DLG2: variants seen among roughly 807,000 people sequenced by gnomAD.
DLG2 encodes the protein discs large MAGUK scaffold protein 2.
A neutral mutation model predicts 132.5 loss-of-function variants in DLG2; 45 were observed. The observed-to-expected ratio is 0.34, with a 90% CI of 0.27 to 0.44. The LOEUF (loss-of-function observed/expected upper bound fraction) is 0.44, where lower values mean the gene tolerates loss of function less well. Ranked by LOEUF, DLG2 falls within the 20% of genes least tolerant of loss-of-function variation. The pLI is 1.00. For synonymous variants in DLG2, 424 were observed against 419.6 expected, an observed-to-expected ratio of 1.01 and a Z score of -0.13; for missense variants, 1,045 against 1,196.9, an observed-to-expected ratio of 0.87 and a Z score of 1.87.
At chr11:84,351,875 A>G (rs1055554809) in intron 7 of DLG2, among the ~76,000 whole-genome samples, 3 of 152,204 alleles carry the variant, frequency 2.0e-5, no homozygotes, top group Non-Finnish European at 2.9e-5. Context: ...AAATCCATAT[A>G]GTAATTAAAA....
chr11:84,418,011 G>A (rs1367312659), intron 7 of DLG2, among the ~76,000 whole-genome samples: 2 of 152,050 alleles, frequency 1.3e-5, no homozygotes, highest in African/African-American at 4.8e-5. Context: ...TTAATATACT[G>A]AGTTAAGAGC....
At chr11:84,445,181 A>G (rs888864038) in intron 7 of DLG2, among the ~76,000 whole-genome samples, 1 of 152,158 alleles carries the variant, frequency 6.6e-6, no homozygotes, top group African/African-American at 2.4e-5. Context: ...CATTATTATT[A>G]TCACCATTAT....
chr11:84,032,726 AGAG>A (rs2095739431), intron 11 of DLG2, among the ~76,000 whole-genome samples: 1 of 152,202 alleles, frequency 6.6e-6, no homozygotes, highest in Non-Finnish European at 1.5e-5. Context: ...TCGTAGCTAG[AGAG>A]GAGAAGTCAA....
In DLG2 at chr11:85,377,392, G is replaced by A. The variant is rs568725645; in HGVS notation, c.41-92027C>T. 1.4e-4 allele frequency among the ~76,000 whole-genome samples: 22 copies of A among 152,190 alleles called. No individual in the cohort carries two copies. The East Asian group carries it at 3.1e-3, about 21-fold the overall frequency. ...TTGAGTTTCCTCCTTTCGAAAGGAG[G>A]CAGCAATTATTGTGCTTTGAGATGA... On this transcript the variant is annotated intron_variant, in intron 3 of 27. Coordinates refer to ENST00000376104, the MANE Select transcript of DLG2 (RefSeq NM_001142699.3).
At chr11:84,970,300 C>A (rs530014605) in intron 6 of DLG2, among the ~76,000 whole-genome samples, 1 of 152,144 alleles carries the variant, frequency 6.6e-6, no homozygotes, top group African/African-American at 2.4e-5. Flanking sequence ...TGAACACTGT[C>A]TCTACTCCTC....
chr11:84,535,965 A>ATATATAT (rs1209865425), intron 6 of DLG2, among the ~76,000 whole-genome samples: 2 of 151,342 alleles, frequency 1.3e-5, no homozygotes, highest in African/African-American at 4.9e-5. Context: ...ATATATATAT[A>ATATATAT]AAACTTCTAG....
chr11:84,861,299 T>G (rs778341884), intron 6 of DLG2, among the ~76,000 whole-genome samples: 1 of 152,036 alleles, frequency 6.6e-6, no homozygotes, highest in Non-Finnish European at 1.5e-5. Context: ...TGAGAGAAGT[T>G]TGTAGAAACA....
intron 9 of DLG2, among the ~76,000 whole-genome samples, chr11:84,111,942 T>C (rs1226270895): frequency 6.6e-6 from 1 of 152,218 alleles, no homozygotes; most frequent in Non-Finnish European, 1.5e-5. Flanking sequence ...CTCTATTTCC[T>C]CATTTTCTAT....
chr11:84,721,647 T>G (rs1264152373), intron 6 of DLG2, among the ~76,000 whole-genome samples: 1 of 151,808 alleles, frequency 6.6e-6, no homozygotes, highest in Non-Finnish European at 1.5e-5. Flanking sequence ...GGGTAGGAAG[T>G]GGGTAAAACT....
chr11:83,914,790 T>C (rs1448066359), intron 15 of DLG2, among the ~76,000 whole-genome samples: 2 of 152,154 alleles, frequency 1.3e-5, no homozygotes, highest in Non-Finnish European at 2.9e-5. Flanking sequence ...GTAATGAACA[T>C]ACTTTTTGAT....
At chr11:84,453,675 T>C (rs1567677911) in intron 7 of DLG2, among the ~76,000 whole-genome samples, 2 of 151,696 alleles carry the variant, frequency 1.3e-5, no homozygotes, top group African/African-American at 2.4e-5. Flanking sequence ...TTCAGTGTGG[T>C]AACTCCTATT....
chr11:84,986,696 T>C (rs2056529456), intron 6 of DLG2, among the ~76,000 whole-genome samples: 1 of 152,136 alleles, frequency 6.6e-6, no homozygotes, highest in Non-Finnish European at 1.5e-5. Flanking sequence ...AAAAAGCATT[T>C]GACAAAATTC....
chr11:84,302,477 C>A (rs1050228664), intron 7 of DLG2, among the ~76,000 whole-genome samples: 1 of 152,032 alleles, frequency 6.6e-6, no homozygotes, highest in South Asian at 2.1e-4. Context: ...TCTCACTTAA[C>A]AGACATATAT....
At chr11:84,760,268 G>C (rs896793849) in intron 6 of DLG2, among the ~76,000 whole-genome samples, 1 of 152,164 alleles carries the variant, frequency 6.6e-6, no homozygotes, top group Non-Finnish European at 1.5e-5. Context: ...ATCCAGGGCT[G>C]CCAAGCAAAC....
intron 6 of DLG2, among the ~76,000 whole-genome samples, chr11:84,851,746 A>T (rs996697166): frequency 5.3e-5 from 8 of 152,070 alleles, no homozygotes; most frequent in African/African-American, 1.4e-4. Flanking sequence ...AAATACAGAG[A>T]TAATATGTTT....
intron 6 of DLG2, among the ~76,000 whole-genome samples, chr11:84,901,784 C>T (rs569347866): frequency 3.7e-4 from 57 of 152,038 alleles, no homozygotes; most frequent in African/African-American, 1.3e-3. Flanking sequence ...AGTTTGACAT[C>T]AACAATTATC....
chr11:84,905,458 G>C (rs748446666), intron 6 of DLG2, among the ~76,000 whole-genome samples: 2 of 152,104 alleles, frequency 1.3e-5, no homozygotes, highest in Non-Finnish European at 1.5e-5. Context: ...AATTCAAAAA[G>C]ATTGGTAATA....
At chr11:84,670,377 T>C (rs1367190062) in intron 6 of DLG2, among the ~76,000 whole-genome samples, 1 of 152,150 alleles carries the variant, frequency 6.6e-6, no homozygotes, top group Non-Finnish European at 1.5e-5. Flanking sequence ...ACTCTAGTTA[T>C]ACATGATTTT....
At chr11:85,146,508 G>A (rs542968496) in intron 5 of DLG2, among the ~76,000 whole-genome samples, 10 of 152,096 alleles carry the variant, frequency 6.6e-5, no homozygotes, top group Non-Finnish European at 1.5e-4. Flanking sequence ...CTAGCCAAGG[G>A]TAGGTCTAGA....
Sources: allele counts gnomAD v4.1 joint callset (sites outside exome capture counted in the v4.1 genomes callset), GRCh38; gene constraint gnomAD v4.1.1; transcripts MANE v1.5; gene names NCBI Gene and HGNC (gene_info 2026-07-23, HGNC 2026-07-21).